FBXO25: variants seen among roughly 807,000 people sequenced by gnomAD.
The protein encoded by FBXO25 is F-box protein 25.
A neutral mutation model predicts 51.9 loss-of-function variants in FBXO25; 45 were observed. The observed-to-expected ratio is 0.87, with a 90% CI of 0.68 to 1.11. FBXO25 has a LOEUF of 1.11. Ranked by LOEUF, FBXO25 falls within the 50% of genes most tolerant of loss-of-function variation. FBXO25 has a pLI of 0.00. For missense variants in FBXO25, 507 were observed against 428.5 expected (o/e 1.18, Z -1.62); for synonymous variants, 199 against 151.0 (o/e 1.32, Z -2.33).
intron 2 of FBXO25, among the ~76,000 whole-genome samples, chr8:414,469 A>T (rs1230660998): frequency 2.0e-5 from 3 of 152,192 alleles, no homozygotes; most frequent in Non-Finnish European, 4.4e-5. Flanking sequence ...ATGTCAATTT[A>T]AAAAAAGCTG....
chr8:412,543 C>T (rs866874058), intron 1 of FBXO25, among the ~76,000 whole-genome samples: 1 of 152,136 alleles, frequency 6.6e-6, no homozygotes, highest in Non-Finnish European at 1.5e-5. Context: ...CACTTACCTG[C>T]TTACTTCCCT....
At chr8:439,353 C>T (rs1049722787) in intron 5 of FBXO25, among the ~76,000 whole-genome samples, 8 of 152,264 alleles carry the variant, frequency 5.3e-5, no homozygotes, top group African/African-American at 1.7e-4. Context: ...GAAAGCTGCA[C>T]GGTGTGCAAC....
intron 7 of FBXO25, among the ~76,000 whole-genome samples, chr8:452,848 C>G (rs1029037182): frequency 2.0e-5 from 3 of 152,210 alleles, no homozygotes; most frequent in Admixed American, 1.3e-4. Context: ...AAGCAAGGGA[C>G]AAGCTTGCAT....
chr8:468,425 G>C (rs188239023), intron 9 of FBXO25, among the ~76,000 whole-genome samples: 9 of 152,146 alleles, frequency 5.9e-5, no homozygotes, highest in Admixed American at 6.5e-5. Context: ...GCAGTGCAGG[G>C]TGGTGTCAGC....
chr8:442,536 C>G (rs1798490286), intron 5 of FBXO25, among the ~76,000 whole-genome samples: 2 of 151,422 alleles, frequency 1.3e-5, no homozygotes, highest in East Asian at 2.0e-4. Context: ...GTGGCATAAT[C>G]TTGGCCCACT....
intron 2 of FBXO25, among the ~76,000 whole-genome samples, chr8:424,039 A>G (rs953578673): frequency 6.0e-5 from 9 of 151,130 alleles, no homozygotes; most frequent in South Asian, 2.1e-4. Context: ...CTCTAATGCT[A>G]TGTGGTACTG....
At chr8:453,045 G>A (rs1292771064) in intron 7 of FBXO25, among the ~76,000 whole-genome samples, 5 of 152,186 alleles carry the variant, frequency 3.3e-5, no homozygotes, top group Admixed American at 6.5e-5. Context: ...CTTTTGGCCC[G>A]GGATGGTTCT....
chr8:432,931 A>C lies in FBXO25; in HGVS notation c.284A>C (p.Lys95Thr). The change falls in exon 4 of 10, where the codon AAG becomes ACG. Residue 95 changes from lysine (K) to threonine (T), a missense_variant. Transcript: ENST00000350302. ...ATCTATGTCCATAAAGAAAGCACAA[A>C]GGAAGTAAGTATTCTATTATAAATA... ...KWIYVHKEST[K>T]ERHGYCTLGE... 6.4e-7 allele frequency: 1 copy of C among 1,556,194 alleles called. No homozygotes were observed. Among genetic ancestry groups the C allele is most frequent in the Non-Finnish European group, 8.7e-7 (1 of 1,154,416 alleles).
chr8:410,445 T>C (rs907062302), intron 1 of FBXO25, among the ~76,000 whole-genome samples: 4 of 152,106 alleles, frequency 2.6e-5, no homozygotes, highest in East Asian at 1.9e-4. Flanking sequence ...TTTTTTAATA[T>C]AGATTTCTGA....
chr8:437,434 C>G (rs186054503), intron 5 of FBXO25, among the ~76,000 whole-genome samples: 1 of 152,226 alleles, frequency 6.6e-6, no homozygotes, highest in African/African-American at 2.4e-5. Context: ...TGCTGCCTTC[C>G]AAGCAGGGCC....
chr8:431,486 G>T (rs561499869), intron 3 of FBXO25, 42 bp downstream of exon 3: 3 of 1,003,246 alleles, frequency 3.0e-6, no homozygotes, highest in East Asian at 2.6e-5. Context: ...TGTTGATTAC[G>T]TTGAAATACT....
chr8:437,408 G>T (rs1251766722), intron 5 of FBXO25, among the ~76,000 whole-genome samples: 1 of 152,218 alleles, frequency 6.6e-6, no homozygotes, highest in Non-Finnish European at 1.5e-5. Context: ...TCACAGGTCT[G>T]TGCATCTCTG....
intron 8 of FBXO25, among the ~76,000 whole-genome samples, chr8:461,874 C>G (rs542311417): frequency 6.6e-6 from 1 of 152,282 alleles, no homozygotes; most frequent in African/African-American, 2.4e-5. Flanking sequence ...TATGTATATC[C>G]ACTTTTTGTT....
chr8:437,736 G>T (rs1245902122), intron 5 of FBXO25, among the ~76,000 whole-genome samples: 1 of 140,930 alleles, frequency 7.1e-6, no homozygotes, highest in East Asian at 2.0e-4. Flanking sequence ...TTCAGTGTGT[G>T]CTATTTTTTT....
chr8:463,112 C>T lies in FBXO25; in HGVS notation c.949C>T (p.Leu317=), dbSNP rs746278015. The T allele has an allele frequency of 1.2e-6, 2 of 1,613,564 alleles. No homozygotes were observed. Among genetic ancestry groups the T allele is most frequent in the African/African-American group, 1.3e-5 (1 of 74,924 alleles). ...YPAKEQYGDT[L]HFCRHCSILF... ...AGCGAAGGAGCAGTACGGAGACACA[C>T]TGCATTTCTGTCGGCACTGCAGCAT... Residue 317 remains leucine, a synonymous_variant, in exon 9 of 10, where the codon CTG becomes TTG. Coordinates refer to ENST00000350302, the MANE Select transcript of FBXO25 (RefSeq NM_183420.2).
At chr8:458,010 A>T (rs11985283) in intron 7 of FBXO25, among the ~76,000 whole-genome samples, 5,990 of 152,282 alleles carry the variant, frequency 0.039, 331 homozygotes, top group African/African-American at 0.12. Context: ...CATTGGATTC[A>T]TCTAGGCAGC....
intron 5 of FBXO25, among the ~76,000 whole-genome samples, chr8:449,482 A>G (rs1390753150): frequency 6.6e-6 from 1 of 152,264 alleles, no homozygotes; most frequent in Non-Finnish European, 1.5e-5. Context: ...GAGTTTTTAA[A>G]TACAAAATGG....
chr8:427,023 T>TA (rs1258844765), intron 2 of FBXO25, among the ~76,000 whole-genome samples: 1 of 152,160 alleles, frequency 6.6e-6, no homozygotes, highest in Non-Finnish European at 1.5e-5. Context: ...AATACACTGA[T>TA]ACGAAGTAGC....
chr8:459,520 C>G (rs1174222522), intron 8 of FBXO25, among the ~76,000 whole-genome samples: 1 of 152,210 alleles, frequency 6.6e-6, no homozygotes, highest in Non-Finnish European at 1.5e-5. Flanking sequence ...AGCCTCTGTT[C>G]TTGTTTGAGG....
Sources: gnomAD v4.1 joint callset for allele counts (sites outside exome capture counted in the v4.1 genomes callset) on GRCh38, gnomAD v4.1.1 for gene constraint, MANE v1.5 for transcripts, NCBI Gene and HGNC (gene_info 2026-07-23, HGNC 2026-07-21) for gene names.